The following EML6 variants were observed in gnomAD, a reference collection of about 807,000 sequenced individuals.
EML6 encodes the protein EMAP like 6, also known as echinoderm microtubule-associated protein-like 6.
Under a neutral mutation model 240.1 loss-of-function variants are expected in EML6, and 154 were observed. The observed-to-expected ratio is 0.64, with a 90% CI of 0.56 to 0.73. The LOEUF (loss-of-function observed/expected upper bound fraction) is 0.73. Ranked by LOEUF, EML6 falls within the 30% of genes least tolerant of loss-of-function variation. The pLI, the probability that EML6 is intolerant of heterozygous loss-of-function variation, is 0.00. For missense variants in EML6, 2,964 were observed against 2,474.6 expected, an observed-to-expected ratio of 1.20 and a Z score of -4.20; for synonymous variants, 1,148 against 899.0, an observed-to-expected ratio of 1.28 and a Z score of -4.95.
chr2:54,940,196 A>G (rs1675358506), intron 28 of EML6, among the ~76,000 whole-genome samples: 1 of 152,220 alleles, frequency 6.6e-6, no homozygotes, highest in Non-Finnish European at 1.5e-5. Context: ...CAGAATTTTT[A>G]TTAGACTGTG....
intron 2 of EML6, among the ~76,000 whole-genome samples, chr2:54,737,870 C>T (rs541039794): frequency 1.3e-5 from 2 of 152,204 alleles, no homozygotes; most frequent in South Asian, 2.1e-4. Flanking sequence ...GTCTGTTTTC[C>T]CTACATTCCT....
At chr2:54,936,450 A>T (rs549680932) in intron 28 of EML6, among the ~76,000 whole-genome samples, 1 of 152,326 alleles carries the variant, frequency 6.6e-6, no homozygotes. Flanking sequence ...GTCATAATGG[A>T]TATTTTTATT....
At chr2:54,884,168 G>C (rs774349894) in intron 17 of EML6, among the ~76,000 whole-genome samples, 3 of 152,136 alleles carry the variant, frequency 2.0e-5, no homozygotes, top group African/African-American at 7.2e-5. Flanking sequence ...CCTTGGGTTC[G>C]ATTAATTTGC....
chr2:54,917,904 T>C (rs144229990), intron 26 of EML6, among the ~76,000 whole-genome samples: 2 of 152,226 alleles, frequency 1.3e-5, no homozygotes, highest in African/African-American at 4.8e-5. Context: ...CTGTATTCAG[T>C]GTTCCAGTTG....
intron 25 of EML6, among the ~76,000 whole-genome samples, chr2:54,912,588 A>G (rs1283761379): frequency 6.6e-6 from 1 of 152,114 alleles, no homozygotes; most frequent in Non-Finnish European, 1.5e-5. Flanking sequence ...AGGAATCCCC[A>G]GTATCTGTTG....
intron 16 of EML6, among the ~76,000 whole-genome samples, chr2:54,874,617 A>G (rs569629390): frequency 4.6e-5 from 7 of 152,312 alleles, no homozygotes; most frequent in Non-Finnish European, 8.8e-5. Context: ...TTTAGAAAGT[A>G]CTAATACTAA....
At chr2:54,887,135 C>T (rs771307859) in intron 17 of EML6, among the ~76,000 whole-genome samples, 2 of 152,220 alleles carry the variant, frequency 1.3e-5, no homozygotes, top group Non-Finnish European at 2.9e-5. Flanking sequence ...TCTAATTTTT[C>T]TGCTGTCAGT....
intron 2 of EML6, among the ~76,000 whole-genome samples, chr2:54,754,631 C>G (rs1040516798): frequency 6.6e-6 from 1 of 152,112 alleles, no homozygotes; most frequent in Non-Finnish European, 1.5e-5. Context: ...CATTCTGTGG[C>G]TTGCATTTGT....
chr2:54,897,829 T>G (rs934496432), intron 21 of EML6, among the ~76,000 whole-genome samples: 13 of 152,168 alleles, frequency 8.5e-5, no homozygotes, highest in African/African-American at 3.1e-4. Context: ...TGTGTATATG[T>G]GCAGTGGAAT....
At chr2:54,905,286 G>A (rs1673262846) in intron 24 of EML6, among the ~76,000 whole-genome samples, 1 of 139,936 alleles carries the variant, frequency 7.1e-6, no homozygotes, top group Non-Finnish European at 1.5e-5. Context: ...CTCTTGCCAG[G>A]TAGAATAGGG....
chr2:54,774,388 G>T lies in EML6; in HGVS notation c.198-38844G>T, dbSNP rs1369078893. On this transcript the variant is annotated intron_variant, in intron 2 of 41. Coordinates refer to ENST00000356458, the MANE Select transcript of EML6 (RefSeq NM_001039753.4). The surrounding 1 kb of genome is among the most constrained non-coding windows in gnomAD (Gnocchi z 4.1). ...TAGGTACAGGCCATTATGGGAAGAA[G>T]GGTGACTGTGGGTGAGGGAGCCGTT... Among the ~76,000 whole-genome samples, 1 of 152,160 alleles carries T rather than the reference G, an allele frequency of 6.6e-6. No homozygotes were observed. The highest frequency in any genetic ancestry group is 6.5e-5 in the Admixed American group (1 of 15,284).
rs1459518531 is a variant in EML6, at chr2:54,827,673, C to T, written c.633C>T (p.Thr211=). 6.4e-7 allele frequency: 1 copy of T among 1,551,540 alleles called. No individual in the cohort carries two copies. Among genetic ancestry groups the T allele is most frequent in the Non-Finnish European group, 8.7e-7 (1 of 1,146,934 alleles). The change falls in exon 6 of 42, where the codon ACC becomes ACT. Residue 211 remains threonine, a synonymous_variant. Transcript: ENST00000356458. ...LCLACAKEDI[T]YSGALNGDIY... is the part of the protein sequence containing the mutation. ...TTGCATGTGCCAAAGAAGACATCACCTACTCTGGTGCTTTAAATGGTGACA... is the reference window on the plus strand; with the variant it reads ...TTGCATGTGCCAAAGAAGACATCACTTACTCTGGTGCTTTAAATGGTGACA...
chr2:54,919,727 T>C (rs570299653), intron 26 of EML6, among the ~76,000 whole-genome samples: 1 of 152,274 alleles, frequency 6.6e-6, no homozygotes, highest in Non-Finnish European at 1.5e-5. Context: ...GATAACTAAA[T>C]CCCCCACAGT....
chr2:54,884,129 C>T (rs927319685), intron 17 of EML6, among the ~76,000 whole-genome samples: 6 of 152,208 alleles, frequency 3.9e-5, no homozygotes, highest in African/African-American at 1.2e-4. Context: ...GTTGAGGGCT[C>T]AGTTTCTGAG....
At chr2:54,931,847 G>C (rs1674881069) in intron 28 of EML6, among the ~76,000 whole-genome samples, 1 of 152,198 alleles carries the variant, frequency 6.6e-6, no homozygotes. Flanking sequence ...TCACCTAAAA[G>C]CAATTAGAAA....
At position 54,927,344 on chromosome 2, in the gene EML6, C is replaced by T. The variant is rs146053822; in HGVS notation, c.3676-969C>T. On this transcript the variant is annotated intron_variant, in intron 26 of 41. Transcript: ENST00000356458. ...TATGTCTGTGCTGTTTTCAGATTCT[C>T]TAGCATGCCAGTCCAAAACCCTCTG... is the stretch of plus-strand genomic sequence containing the variant. Among the ~76,000 whole-genome samples, 7 of 152,350 alleles carry T rather than the reference C, an allele frequency of 4.6e-5. No individual in the cohort carries two copies. In the East Asian group the frequency reaches 1.3e-3, roughly 29 times the overall value.
rs1378388502 is a variant in EML6 at position 54,967,022 on chromosome 2, G to A, written c.5516G>A (p.Arg1839His). Residue 1839 changes from arginine to histidine, a missense_variant, in exon 39 of 42, where the codon CGC becomes CAC. Transcript: ENST00000356458. ...CAGGTGTCAACAGGTGCCTATAAGC[G>A]CCAGGTGCATGAGGTCCCCCTGGGG... ...YIQVSTGAYK[R>H]QVHEVPLGKQ... is the part of the protein sequence containing the mutation. The A allele has an allele frequency of 1.4e-5, 22 of 1,550,912 alleles. No homozygotes were observed. In the East Asian group the frequency reaches 2.2e-4, roughly 16 times the overall value.
At chr2:54,766,356 A>C (rs900122550) in intron 2 of EML6, among the ~76,000 whole-genome samples, 5 of 152,120 alleles carry the variant, frequency 3.3e-5, no homozygotes, top group African/African-American at 4.8e-5. Context: ...ACATTTCCTT[A>C]GTCTTTCTTT....
At chr2:54,815,910 C>G (rs185772517) in intron 3 of EML6, among the ~76,000 whole-genome samples, 2 of 152,162 alleles carry the variant, frequency 1.3e-5, no homozygotes, top group Admixed American at 6.5e-5. Context: ...TTTAAAACCC[C>G]TTTAATTTAC....
Sources: allele counts gnomAD v4.1 joint callset (sites outside exome capture counted in the v4.1 genomes callset), GRCh38; gene constraint gnomAD v4.1.1; non-coding constraint Gnocchi (gnomAD v3.1); transcripts MANE v1.5; gene names NCBI Gene and HGNC (gene_info 2026-07-23, HGNC 2026-07-21).